ZNF491: variants seen among roughly 807,000 people sequenced by gnomAD.
The protein encoded by ZNF491 is zinc finger protein 491.
Under a neutral mutation model 34.7 loss-of-function variants are expected in ZNF491, and 22 were observed. The ratio of observed to expected loss-of-function variants is 0.63; its 90% CI spans 0.45 to 0.90. ZNF491 has a LOEUF of 0.90. ZNF491 is among the 40% of genes least tolerant of loss of function. ZNF491 has a pLI of 0.00. For missense variants in ZNF491, 559 were observed against 531.7 expected (o/e 1.05, Z -0.51); for synonymous variants, 148 against 174.3 (o/e 0.85, Z 1.19).
rs891148501 is a variant in ZNF491 at position 11,808,304 on chromosome 19, C to T, written c.*1037C>T. On this transcript the variant is annotated 3_prime_UTR_variant, in exon 3 of 3. Coordinates refer to ENST00000323169, the MANE Select transcript of ZNF491 (RefSeq NM_152356.4). Reference sequence around the variant, plus strand: ...GGCTGAGGCAGGAGAATCTCCTGAACCTGGGAGGTGGAGGTTGCAGTGAGC... The same window carrying T: ...GGCTGAGGCAGGAGAATCTCCTGAATCTGGGAGGTGGAGGTTGCAGTGAGC... 1.3e-5 allele frequency among the ~76,000 whole-genome samples: 2 copies of T among 151,580 alleles called. No homozygotes were observed. Among genetic ancestry groups the T allele is most frequent in the Non-Finnish European group, 2.9e-5 (2 of 67,962 alleles).
In ZNF491 at chr19:11,806,218, T is replaced by C; in HGVS notation, c.265T>C (p.Cys89Arg). ...QRRKALSHSH[C>R]FRTHERPHTR... is the part of the protein sequence containing the mutation. ...TAGGAAAGCCTTGAGCCATAGCCAC[T>C]GCTTTCGAACACATGAAAGGCCTCA... The change falls in exon 3 of 3, where the codon TGC (cysteine) becomes CGC (arginine). Residue 89 changes from cysteine (C) to arginine (R), a missense_variant. Cys to Arg is a radical substitution (Grantham distance 180). Transcript: ENST00000323169. 1 of 1,613,782 alleles carries C rather than the reference T, an allele frequency of 6.2e-7. No homozygotes were observed. Among genetic ancestry groups the C allele is most frequent in the Non-Finnish European group, 8.5e-7 (1 of 1,179,934 alleles).
intron 1 of ZNF491, among the ~76,000 whole-genome samples, chr19:11,804,294 T>A (rs907830115): frequency 6.6e-6 from 1 of 152,006 alleles, no homozygotes; most frequent in Non-Finnish European, 1.5e-5. Context: ...ATCCTCTTGC[T>A]GTGTCCTCAC....
chr19:11,807,493 T>A lies in ZNF491; in HGVS notation c.*226T>A. On this transcript the variant is annotated 3_prime_UTR_variant, in exon 3 of 3. Transcript: ENST00000323169. ...AGACATGAGGAAGGCCTTAGTCACATTTTAGAGCCAGCCAAATTCACATGG... is the reference window on the plus strand; with the variant it reads ...AGACATGAGGAAGGCCTTAGTCACAATTTAGAGCCAGCCAAATTCACATGG... 2 of 413,734 alleles carry A rather than the reference T, an allele frequency of 4.8e-6. No homozygotes were observed. The highest frequency in any genetic ancestry group is 8.8e-6 in the Non-Finnish European group (2 of 225,994). 25.6% of individuals were successfully genotyped at this position (413,734 alleles called of 1,614,324 possible).
rs768660008 is a variant in ZNF491, at chr19:11,806,312, G to A, written c.359G>A (p.Arg120Lys). 14 of 1,606,268 alleles carry A rather than the reference G, an allele frequency of 8.7e-6. No homozygotes were observed. The highest frequency in any genetic ancestry group is 1.2e-5 in the Non-Finnish European group (14 of 1,177,766). The stretch of plus-strand genomic sequence containing the variant: ...TTCATTTCTCCTGCAAGCATTCGAA[G>A]ATATATGGTAACGCACAGTGGAGAT... ...KSFISPASIRRYMVTHSGDGP... is the reference protein window; with the variant it reads ...KSFISPASIRKYMVTHSGDGP... The change falls in exon 3 of 3, where the codon AGA becomes AAA. Residue 120 changes from arginine to lysine, a missense_variant. Transcript: ENST00000323169.
At chr19:11,801,438 T>C (rs4804172) in intron 1 of ZNF491, among the ~76,000 whole-genome samples, 152,078 of 152,092 alleles carry the variant, frequency 1, 76,032 homozygotes, top group Middle Eastern at 1. Context: ...GGGTGGATCA[T>C]GAGGTCAGGA....
At chr19:11,800,456 AC>A (rs1229675121) in intron 1 of ZNF491, among the ~76,000 whole-genome samples, 3 of 151,720 alleles carry the variant, frequency 2.0e-5, no homozygotes, top group African/African-American at 7.3e-5. Flanking sequence ...TCATTTTTCC[AC>A]AGACAAATGA....
At position 11,806,657 on chromosome 19, in the gene ZNF491, G is replaced by A. The variant is rs1345456168; in HGVS notation, c.704G>A (p.Arg235Lys). 6.2e-7 allele frequency: 1 copy of A among 1,613,504 alleles called. No homozygotes were observed. The highest frequency in any genetic ancestry group is 8.5e-7 in the Non-Finnish European group (1 of 1,179,796). The change falls in exon 3 of 3, where the codon AGG (arginine) becomes AAG (lysine). Residue 235 changes from arginine to lysine, a missense_variant. Arg to Lys is a conservative substitution (Grantham distance 26). Coordinates refer to ENST00000323169, the MANE Select transcript of ZNF491 (RefSeq NM_152356.4). ...NCPSSFHRHE[R>K]THTGEKPYEC... The stretch of plus-strand genomic sequence containing the variant: ...CCCAGTTCTTTTCACAGGCATGAAA[G>A]GACTCACACAGGAGAAAAACCCTAT...
At chr19:11,804,200 C>T (rs1334146447) in intron 1 of ZNF491, among the ~76,000 whole-genome samples, 1 of 115,998 alleles carries the variant, frequency 8.6e-6, no homozygotes, top group East Asian at 2.7e-4. Flanking sequence ...GAGGCCCCAT[C>T]TCAGACAAAA....
chr19:11,804,607 T>A lies in ZNF491; in HGVS notation c.-68T>A. 6.5e-7 allele frequency: 1 copy of A among 1,531,214 alleles called. No individual in the cohort carries two copies. Among genetic ancestry groups the A allele is most frequent in the Non-Finnish European group, 8.8e-7 (1 of 1,141,056 alleles). The allele number at this position is 1,531,214 out of a possible 1,614,324, so 94.9% of individuals were successfully genotyped here. On this transcript the variant is annotated 5_prime_UTR_variant, in exon 2 of 3. Transcript: ENST00000323169. ...AGGAGGAGTGGGCCTTGTTGAATCC[T>A]TTCCAGAAGATCTCTACAGAGATGT...
intron 1 of ZNF491, among the ~76,000 whole-genome samples, chr19:11,803,902 G>A (rs79383413): frequency 0.02 from 2,997 of 152,178 alleles, 86 homozygotes; most frequent in East Asian, 0.076. Context: ...TCTGGAGGCT[G>A]GGAAGTCTAA....
chr19:11,801,526 A>C lies in ZNF491; in HGVS notation c.-134+2799A>C, dbSNP rs1405000012. Among the ~76,000 whole-genome samples the C allele has an allele frequency of 3.3e-5, 5 of 152,268 alleles. No individual in the cohort carries two copies. The East Asian group carries it at 9.7e-4, about 29-fold the overall frequency. The stretch of plus-strand genomic sequence containing the variant: ...AAAAATTAGCTGGGCATGGTGGTGC[A>C]TGCCTATAGTCCCAGCTACTCAGGA... On this transcript the variant is annotated intron_variant, in intron 1 of 2. Coordinates refer to ENST00000323169, the MANE Select transcript of ZNF491 (RefSeq NM_152356.4).
At chr19:11,804,206 CAAAAAAAA>C (rs71166629) in intron 1 of ZNF491, among the ~76,000 whole-genome samples, 3 of 69,448 alleles carry the variant, frequency 4.3e-5, no homozygotes, top group Admixed American at 1.5e-4. Context: ...CCATCTCAGA[CAAAAAAAA>C]AAAAAAAAAA....
In ZNF491 at chr19:11,806,895, T is replaced by G. The variant is rs775856406; in HGVS notation, c.942T>G (p.Phe314Leu). Residue 314 changes from phenylalanine (F) to leucine (L), a missense_variant, in exon 3 of 3, where the codon TTT becomes TTG. Phe to Leu is a conservative substitution (Grantham distance 22). Transcript: ENST00000323169. ...CGKAFTCSTS[F>L]QYHERTHTGE... The stretch of plus-strand genomic sequence containing the variant: ...AAGCCTTCACTTGTTCCACTTCGTT[T>G]CAATATCATGAAAGGACTCACACTG... 1.5e-5 allele frequency: 24 copies of G among 1,611,674 alleles called. No individual in the cohort carries two copies. Among genetic ancestry groups the G allele is most frequent in the Non-Finnish European group, 2.0e-5 (24 of 1,179,160 alleles).
chr19:11,806,864 G>A lies in ZNF491; in HGVS notation c.911G>A (p.Cys304Tyr), dbSNP rs199769397. The change falls in exon 3 of 3, where the codon TGT (cysteine) becomes TAT (tyrosine). Residue 304 changes from cysteine (C) to tyrosine (Y), a missense_variant. Physicochemically the swap from Cys to Tyr is radical, Grantham distance 194 (BLOSUM62 -2). Coordinates refer to ENST00000323169, the MANE Select transcript of ZNF491 (RefSeq NM_152356.4). ...TGEKPYKCKQ[C>Y]GKAFTCSTSF... ...GAGAAACCCTACAAATGCAAGCAAT[G>A]TGGGAAAGCCTTCACTTGTTCCACT... 1.9e-5 allele frequency: 31 copies of A among 1,610,092 alleles called. No individual in the cohort carries two copies. The highest frequency in any genetic ancestry group is 2.5e-5 in the Non-Finnish European group (30 of 1,178,414).
At chr19:11,803,363 C>A (rs1975575754) in intron 1 of ZNF491, among the ~76,000 whole-genome samples, 1 of 152,172 alleles carries the variant, frequency 6.6e-6, no homozygotes, top group Non-Finnish European at 1.5e-5. Context: ...ATACCCGTCA[C>A]CCATTTTCTT....
chr19:11,806,746 C>T lies in ZNF491; in HGVS notation c.793C>T (p.His265Tyr). ...LISFRRHMRM[H>Y]TGERPHKCKI... ...AAGCTTTCGAAGACACATGAGAATG[C>T]ACACTGGAGAGAGGCCTCATAAATG... The change falls in exon 3 of 3, where the codon CAC becomes TAC. Residue 265 changes from histidine (H) to tyrosine (Y), a missense_variant. Coordinates refer to ENST00000323169, the MANE Select transcript of ZNF491 (RefSeq NM_152356.4). 1.2e-6 allele frequency: 2 copies of T among 1,613,892 alleles called. No homozygotes were observed. Among genetic ancestry groups the T allele is most frequent in the Non-Finnish European group, 1.7e-6 (2 of 1,179,910 alleles).
chr19:11,807,743 T>C lies in ZNF491; in HGVS notation c.*476T>C, dbSNP rs1045340494. 1 of 168,098 alleles carries C rather than the reference T, an allele frequency of 5.9e-6. No homozygotes were observed. The highest frequency in any genetic ancestry group is 1.5e-5 in the Non-Finnish European group (1 of 68,894). The allele number at this position is 168,098 out of a possible 1,614,324, so 10.4% of individuals were successfully genotyped here. Reference sequence around the variant, plus strand: ...ACTGTCATGGGTGGGGAATGTTCTCTGATGCTCAACTCCCCTAGTCTGCAG... The same window carrying C: ...ACTGTCATGGGTGGGGAATGTTCTCCGATGCTCAACTCCCCTAGTCTGCAG... On this transcript the variant is annotated 3_prime_UTR_variant, in exon 3 of 3. Coordinates refer to ENST00000323169, the MANE Select transcript of ZNF491 (RefSeq NM_152356.4).
intron 1 of ZNF491, among the ~76,000 whole-genome samples, chr19:11,804,260 G>C (rs967865882): frequency 2.7e-5 from 4 of 149,262 alleles, no homozygotes; most frequent in Admixed American, 2.7e-4. Flanking sequence ...ACCATGTCCA[G>C]AGGGTCCATT....
At chr19:11,803,898 G>A (rs1034446868) in intron 1 of ZNF491, among the ~76,000 whole-genome samples, 3 of 152,106 alleles carry the variant, frequency 2.0e-5, no homozygotes, top group Non-Finnish European at 4.4e-5. Context: ...TAGTTCTGGA[G>A]GCTGGGAAGT....
Sources: gnomAD v4.1 joint callset for allele counts (sites outside exome capture counted in the v4.1 genomes callset) on GRCh38, gnomAD v4.1.1 for gene constraint, MANE v1.5 for transcripts, NCBI Gene and HGNC (gene_info 2026-07-23, HGNC 2026-07-21) for gene names.